The following MRPL45 variants were observed in gnomAD, a reference collection of about 807,000 sequenced individuals.
MRPL45 encodes large ribosomal subunit protein mL45.
A neutral mutation model predicts 38.1 loss-of-function variants in MRPL45; 20 were observed. The ratio of observed to expected loss-of-function variants is 0.53; its 90% CI spans 0.37 to 0.76. The LOEUF is 0.76. Among genes scored for constraint, MRPL45 ranks in the 30% least tolerant of loss-of-function variants. MRPL45 has a pLI of 0.00. For synonymous variants in MRPL45, 105 were observed against 128.8 expected (o/e 0.82, Z 1.25); for missense variants, 337 against 395.6 (o/e 0.85, Z 1.26).
chr17:38,313,335 T>C (rs1457657990), intron 4 of MRPL45, among the ~76,000 whole-genome samples: 1 of 18,516 alleles, frequency 5.4e-5, no homozygotes. Context: ...TATATATACA[T>C]ATATATATAT....
chr17:38,301,483 G>A (rs1305505077), intron 3 of MRPL45, among the ~76,000 whole-genome samples: 1 of 152,056 alleles, frequency 6.6e-6, no homozygotes, highest in Non-Finnish European at 1.5e-5. Context: ...CAGGTGATCC[G>A]CCAGACTCAG....
chr17:38,305,911 G>A (rs972664938), intron 3 of MRPL45, among the ~76,000 whole-genome samples: 5 of 151,882 alleles, frequency 3.3e-5, no homozygotes, highest in African/African-American at 1.2e-4. Context: ...CCAAAGTGCT[G>A]GGATTACAGA....
chr17:38,310,402 C>T (rs1380274221), intron 4 of MRPL45, among the ~76,000 whole-genome samples: 4 of 151,238 alleles, frequency 2.6e-5, no homozygotes, highest in African/African-American at 7.3e-5. Flanking sequence ...GATCTCCGCT[C>T]ACTGCATCCT....
chr17:38,306,624 C>A lies in MRPL45; in HGVS notation c.454C>A (p.Leu152Ile). The A allele has an allele frequency of 6.2e-7, 1 of 1,613,488 alleles. No individual in the cohort carries two copies. ...KDIFIEAHLC[L>I]NNSDHDRLHT... ...TATCTTTATTGAAGCTCACCTTTGT[C>A]TAAATAAGTAAGTGAACTCCCTATC... Residue 152 changes from leucine to isoleucine, a missense_variant, in exon 4 of 8, where the codon CTA becomes ATA. Leu to Ile is a conservative substitution (Grantham distance 5, BLOSUM62 2). Around this residue, in one of 3 missense-constraint regions of MRPL45, gnomAD observed 251 missense variants for 269.1 expected, o/e 0.93. Coordinates refer to ENST00000613675, the MANE Select transcript of MRPL45 (RefSeq NM_032351.6).
At chr17:38,310,548 C>T (rs1480798232) in intron 4 of MRPL45, among the ~76,000 whole-genome samples, 5 of 152,098 alleles carry the variant, frequency 3.3e-5, no homozygotes, top group Admixed American at 2.0e-4. Context: ...AGGCTGGTCT[C>T]GAACTCCTGA....
chr17:38,322,064 C>T lies in MRPL45; in HGVS notation c.661-62C>T, dbSNP rs2144243386. On this transcript the variant is annotated intron_variant, in intron 6 of 7. Coordinates refer to ENST00000613675, the MANE Select transcript of MRPL45 (RefSeq NM_032351.6). ...AAAAAAAGGTTGTATGGCAATAAAA[C>T]AAACAACTCACACTCACACACCAAA... 11 of 1,459,612 alleles carry T rather than the reference C, an allele frequency of 7.5e-6. No individual in the cohort carries two copies. The South Asian group carries it at 1.4e-4, about 19-fold the overall frequency. The allele number at this position is 1,459,612 out of a possible 1,614,324, so 90.4% of individuals were successfully genotyped here.
chr17:38,310,706 G>C (rs2144221004), intron 4 of MRPL45, among the ~76,000 whole-genome samples: 1 of 152,198 alleles, frequency 6.6e-6, no homozygotes, highest in South Asian at 2.1e-4. Context: ...GCTCACTGCT[G>C]CCTTGACCTC....
intron 3 of MRPL45, among the ~76,000 whole-genome samples, chr17:38,301,218 A>T (rs796114535): frequency 6.6e-6 from 1 of 151,878 alleles, no homozygotes; most frequent in African/African-American, 2.4e-5. Flanking sequence ...CTTTGCCTGA[A>T]ATGTCTTTTT....
intron 3 of MRPL45, among the ~76,000 whole-genome samples, chr17:38,302,090 C>G (rs1469354538): frequency 3.9e-5 from 5 of 129,456 alleles, no homozygotes; most frequent in Non-Finnish European, 6.2e-5. Flanking sequence ...GCACTCCAGC[C>G]TGGGCGACAG....
At chr17:38,301,623 T>A (rs1384527496) in intron 3 of MRPL45, among the ~76,000 whole-genome samples, 2 of 152,208 alleles carry the variant, frequency 1.3e-5, no homozygotes, top group African/African-American at 4.8e-5. Context: ...TATTTATTTC[T>A]CCTAATACTC....
chr17:38,303,799 T>C (rs971202495), intron 3 of MRPL45, among the ~76,000 whole-genome samples: 7 of 151,710 alleles, frequency 4.6e-5, no homozygotes, highest in Non-Finnish European at 7.4e-5. Context: ...CGATCTCAGC[T>C]CACTGCAACT....
intron 3 of MRPL45, among the ~76,000 whole-genome samples, chr17:38,305,922 C>A (rs918535609): frequency 6.6e-6 from 1 of 151,742 alleles, no homozygotes; most frequent in African/African-American, 2.4e-5. Context: ...GGATTACAGA[C>A]GTGAGCCACC....
chr17:38,308,427 A>T (rs1178100621), intron 4 of MRPL45, among the ~76,000 whole-genome samples: 1 of 39,942 alleles, frequency 2.5e-5, no homozygotes. Flanking sequence ...TTCTCAAAAC[A>T]TTGTTTTTTT....
intron 4 of MRPL45, among the ~76,000 whole-genome samples, chr17:38,315,419 TA>T (rs1405740469): frequency 7.2e-4 from 109 of 150,624 alleles, no homozygotes; most frequent in African/African-American, 2.6e-3. Flanking sequence ...AGCACCTGGC[TA>T]ATTTTTTTTT....
intron 4 of MRPL45, among the ~76,000 whole-genome samples, chr17:38,307,060 T>C (rs2037062329): frequency 6.6e-6 from 1 of 152,102 alleles, no homozygotes; most frequent in African/African-American, 2.4e-5. Context: ...TGAGATGGAG[T>C]CTCGCTCTGT....
chr17:38,302,981 G>GT (rs1177584717), intron 3 of MRPL45, among the ~76,000 whole-genome samples: 17 of 150,926 alleles, frequency 1.1e-4, no homozygotes, highest in Non-Finnish European at 1.9e-4. Context: ...ACCTCCCAAA[G>GT]TGCTGGCATT....
chr17:38,310,941 T>C (rs1341765520), intron 4 of MRPL45, among the ~76,000 whole-genome samples: 3 of 152,120 alleles, frequency 2.0e-5, no homozygotes, highest in African/African-American at 7.2e-5. Context: ...CAAATAGATA[T>C]TTTAGAAAAA....
chr17:38,311,321 G>A (rs2037109350), intron 4 of MRPL45, among the ~76,000 whole-genome samples: 1 of 152,150 alleles, frequency 6.6e-6, no homozygotes, highest in Non-Finnish European at 1.5e-5. Flanking sequence ...GGTATAGGCT[G>A]TGGGGGGCCC....
intron 5 of MRPL45, among the ~76,000 whole-genome samples, chr17:38,319,491 C>G (rs2037209619): frequency 6.6e-6 from 1 of 152,056 alleles, no homozygotes; most frequent in South Asian, 2.1e-4. Context: ...TAAGAAGGAT[C>G]AGTTTTGAGA....
Sources: allele counts gnomAD v4.1 joint callset (sites outside exome capture counted in the v4.1 genomes callset), GRCh38; gene constraint gnomAD v4.1.1; regional missense constraint gnomAD v4.1.1; transcripts MANE v1.5; gene names NCBI Gene and HGNC (gene_info 2026-07-23, HGNC 2026-07-21).